The following UNC79 variants were observed in gnomAD, a reference collection of about 807,000 sequenced individuals.
UNC79 encodes protein unc-79 homolog.
A neutral mutation model predicts 283.1 loss-of-function variants in UNC79; 37 were observed. The ratio of observed to expected loss-of-function variants is 0.13; its 90% CI spans 0.10 to 0.17. The LOEUF (loss-of-function observed/expected upper bound fraction) is 0.17, where lower values mean the gene tolerates loss of function less well. UNC79 is among the 10% of genes least tolerant of loss of function. The pLI is 1.00. For missense variants in UNC79, 2,272 were observed against 3,211.1 expected (o/e 0.71, Z 7.07); for synonymous variants, 1,107 against 1,200.2 (o/e 0.92, Z 1.61).
At chr14:93,562,128 A>G (rs180945500) in intron 14 of UNC79, among the ~76,000 whole-genome samples, 1 of 152,300 alleles carries the variant, frequency 6.6e-6, no homozygotes, top group Admixed American at 6.5e-5. Flanking sequence ...TGGCTGTCCA[A>G]TGGACACAGC....
intron 40 of UNC79, among the ~76,000 whole-genome samples, chr14:93,667,418 A>T (rs1485338947): frequency 6.6e-6 from 1 of 152,018 alleles, no homozygotes; most frequent in African/African-American, 2.4e-5. Context: ...TTTTGAAATC[A>T]ACAACCTTAT....
chr14:93,495,715 A>T (rs900803535), intron 5 of UNC79, among the ~76,000 whole-genome samples: 2 of 152,252 alleles, frequency 1.3e-5, no homozygotes, highest in African/African-American at 4.8e-5. Flanking sequence ...CACGGAGGTC[A>T]TTGGTGAATA....
intron 5 of UNC79, among the ~76,000 whole-genome samples, chr14:93,488,253 CATT>C (rs1181979286): frequency 6.6e-6 from 1 of 152,084 alleles, no homozygotes; most frequent in Non-Finnish European, 1.5e-5. Flanking sequence ...TGTGATTTGT[CATT>C]ATTATTATAA....
intron 40 of UNC79, among the ~76,000 whole-genome samples, chr14:93,668,244 T>C (rs892612440): frequency 5.3e-5 from 8 of 152,156 alleles, no homozygotes; most frequent in Non-Finnish European, 1.2e-4. Context: ...CGATTACAAA[T>C]GAACCAAAGG....
At chr14:93,489,067 G>C (rs1305492105) in intron 5 of UNC79, among the ~76,000 whole-genome samples, 2 of 152,104 alleles carry the variant, frequency 1.3e-5, no homozygotes, top group African/African-American at 4.8e-5. Flanking sequence ...TCAGCCTCTT[G>C]AGTAGCTGGG....
exon 18 of UNC79, chr14:93,577,843 T>C (rs777085293): frequency 6.2e-7 from 1 of 1,613,644 alleles, no homozygotes; most frequent in Admixed American, 1.7e-5. Context: ...TTCTTGTAGG[T>C]GAGTGTTGCC....
At chr14:93,458,159 TC>T (rs1337531304) in intron 1 of UNC79, among the ~76,000 whole-genome samples, 13 of 152,102 alleles carry the variant, frequency 8.5e-5, no homozygotes, top group African/African-American at 3.1e-4. Flanking sequence ...TGACAGAAAA[TC>T]ATCTATAAAA....
intron 31 of UNC79, among the ~76,000 whole-genome samples, chr14:93,636,918 G>A (rs2068556032): frequency 6.6e-6 from 1 of 152,120 alleles, no homozygotes; most frequent in South Asian, 2.1e-4. Context: ...TTTCCTATCT[G>A]GAGATATGAG....
exon 27 of UNC79, chr14:93,613,071 A>G (rs2066422498): frequency 6.2e-7 from 1 of 1,614,202 alleles, no homozygotes; most frequent in Non-Finnish European, 8.5e-7. Context: ...CATTCATTGC[A>G]GGAATTGCCC....
rs950161012 is a variant in UNC79, at chr14:93,690,963, C to T, written c.7272+660C>T. 10 of 153,270 alleles carry T rather than the reference C, an allele frequency of 6.5e-5. No homozygotes were observed. Among genetic ancestry groups the T allele is most frequent in the African/African-American group, 2.4e-4 (10 of 41,436 alleles). The allele number at this position is 153,270 out of a possible 1,614,324, so 9.5% of individuals were successfully genotyped here. On this transcript the variant is annotated intron_variant, in intron 45 of 48. Transcript: ENST00000555664. This position sits in a 1 kb window ranked among gnomAD's most constrained non-coding sequence, Gnocchi z 4.3. The stretch of plus-strand genomic sequence containing the variant: ...GCAAGTTCTGGGAGGTCACATTGGT[C>T]TTGGGGACAGCTCGGGTTTGGGACA...
chr14:93,707,101 C>T, downstream of UNC79: 3 of 525,648 alleles, frequency 5.7e-6, no homozygotes, highest in Non-Finnish European at 9.7e-6. Flanking sequence ...ACTCCTTGGG[C>T]TATCTGATTA....
intron 1 of UNC79, among the ~76,000 whole-genome samples, chr14:93,341,821 A>G (rs2053718839): frequency 6.6e-6 from 1 of 152,192 alleles, no homozygotes; most frequent in African/African-American, 2.4e-5. Context: ...GGCAGCCATT[A>G]AATCTTAAAG....
At chr14:93,353,643 T>G (rs1161504480) in intron 1 of UNC79, among the ~76,000 whole-genome samples, 1 of 152,238 alleles carries the variant, frequency 6.6e-6, no homozygotes, top group African/African-American at 2.4e-5. Context: ...CATTTCCTCT[T>G]GAATATTGTG....
At chr14:93,597,480 C>A in exon 24 of UNC79, 1 of 1,614,118 alleles carries the variant, frequency 6.2e-7, no homozygotes, top group Non-Finnish European at 8.5e-7. Context: ...AGGATGTCAA[C>A]CCCGCAGTGG....
chr14:93,353,692 T>C (rs1471728689), intron 1 of UNC79, among the ~76,000 whole-genome samples: 1 of 152,210 alleles, frequency 6.6e-6, no homozygotes, highest in Non-Finnish European at 1.5e-5. Flanking sequence ...CTGAAACCTT[T>C]CTCTCCTCAA....
At chr14:93,342,640 A>T (rs1055775368) in intron 1 of UNC79, among the ~76,000 whole-genome samples, 2 of 152,176 alleles carry the variant, frequency 1.3e-5, no homozygotes, top group Non-Finnish European at 1.5e-5. Flanking sequence ...TCAGGCTGCA[A>T]ATTTTCCAAA....
intron 22 of UNC79, among the ~76,000 whole-genome samples, chr14:93,592,858 T>C (rs1024616956): frequency 2.0e-5 from 3 of 152,234 alleles, no homozygotes; most frequent in Non-Finnish European, 4.4e-5. Flanking sequence ...CAGGGATCTC[T>C]TTCTCTGTCT....
At chr14:93,343,483 GTA>G (rs1180513490) in intron 1 of UNC79, among the ~76,000 whole-genome samples, 2 of 152,150 alleles carry the variant, frequency 1.3e-5, no homozygotes, top group African/African-American at 4.8e-5. Context: ...TTGTGCAATT[GTA>G]AAGACAGATG....
intron 47 of UNC79, among the ~76,000 whole-genome samples, chr14:93,698,471 T>G (rs947936731): frequency 1.5e-4 from 21 of 137,472 alleles, no homozygotes; most frequent in African/African-American, 2.2e-4. Context: ...TTTAGTTTAG[T>G]TTAGGTTTTT....
Sources: gnomAD v4.1 joint callset for allele counts (sites outside exome capture counted in the v4.1 genomes callset) on GRCh38, gnomAD v4.1.1 for gene constraint, Gnocchi (gnomAD v3.1) non-coding constraint, MANE v1.5 for transcripts, NCBI Gene and HGNC (gene_info 2026-07-23, HGNC 2026-07-21) for gene names.